Variants in MYOT observed in about 807,000 individuals in gnomAD.
MYOT encodes 57 kDa cytoskeletal protein.
A neutral mutation model predicts 58.0 loss-of-function variants in MYOT; 36 were observed. The observed-to-expected ratio is 0.62, with a 90% confidence interval of 0.48 to 0.82. The LOEUF is 0.82. MYOT is among the 40% of genes least tolerant of loss of function. The pLI is 0.00. For synonymous variants in MYOT, 218 were observed against 204.6 expected, an observed-to-expected ratio of 1.07 and a Z score of -0.56; for missense variants, 505 against 592.1, an observed-to-expected ratio of 0.85 and a Z score of 1.53.
At chr5:137,880,894 ATGT>A (rs1220890033) in intron 5 of MYOT, 29 bp downstream of exon 5, 1 of 1,424,166 alleles carries the variant, frequency 7.0e-7, no homozygotes, top group Non-Finnish European at 9.8e-7. Context: ...AAAGAAATGT[ATGT>A]TTTCCTATCT....
intron 9 of MYOT, 81 bp downstream of exon 9, chr5:137,887,078 T>C (rs942345955): frequency 1.3e-6 from 2 of 1,562,572 alleles, no homozygotes; most frequent in South Asian, 2.2e-5. Context: ...CAGCAGAGTA[T>C]AAAATTTGAG....
At chr5:137,883,165 A>T (rs1245826904) in intron 6 of MYOT, 3 of 534,546 alleles carry the variant, frequency 5.6e-6, no homozygotes, top group Non-Finnish European at 6.7e-6. Context: ...CATGTAAAAG[A>T]GTTATGGTTT....
intron 2 of MYOT, among the ~76,000 whole-genome samples, chr5:137,873,538 C>G (rs1344773073): frequency 6.6e-6 from 1 of 150,782 alleles, no homozygotes; most frequent in Non-Finnish European, 1.5e-5. Flanking sequence ...AAGAATGAAA[C>G]TCCGTCTCAA....
At chr5:137,881,794 T>G (rs1048196045) in intron 5 of MYOT, among the ~76,000 whole-genome samples, 179 bp from the exon 6 acceptor site, 2 of 151,998 alleles carry the variant, frequency 1.3e-5, no homozygotes, top group Non-Finnish European at 2.9e-5. Context: ...CCTCCCGGGT[T>G]CAAGCGATTC....
chr5:137,881,745 G>A (rs1410157930), intron 5 of MYOT, among the ~76,000 whole-genome samples: 2 of 151,960 alleles, frequency 1.3e-5, no homozygotes, highest in Non-Finnish European at 2.9e-5. Context: ...CATCCAGGCT[G>A]GAGTGCAGCG....
Position 137,881,970 on chromosome 5 carries a change from T to A in MYOT, c.684-3T>A. On this transcript the variant is annotated splice_region_variant and splice_polypyrimidine_tract_variant and intron_variant, in intron 5 of 9. Transcript: ENST00000239926. ...CATAGTTGTTACCAAAATATTCTTG[T>A]AGAAGTAGATCAACCTCAAGGGGAG... 1 of 1,613,662 alleles carries A rather than the reference T, an allele frequency of 6.2e-7. No homozygotes were observed. The highest frequency in any genetic ancestry group is 8.5e-7 in the Non-Finnish European group (1 of 1,179,544).
At chr5:137,882,241 G>A in intron 6 of MYOT, 136 bp downstream of exon 6, 1 of 1,005,154 alleles carries the variant, frequency 9.9e-7, no homozygotes, top group Non-Finnish European at 1.5e-6. Context: ...AAGTCAAACT[G>A]ATGTGGGTTT....
intron 1 of MYOT, among the ~76,000 whole-genome samples, chr5:137,868,851 T>G (rs189864712): frequency 8.1e-4 from 123 of 152,316 alleles, no homozygotes; most frequent in Non-Finnish European, 9.3e-4. Flanking sequence ...TTCAGGATGT[T>G]TTTCCCCAAC....
In MYOT at chr5:137,880,797, A is replaced by G. The variant is rs762666087; in HGVS notation, c.634-19A>G. ...CTAACAATTGCATGTAAACATTCTT[A>G]CTTTGTTTTAATTTCAAGCAACACA... On this transcript the variant is annotated intron_variant, in intron 4 of 9. Transcript: ENST00000239926. The G allele has an allele frequency of 1.2e-6, 2 of 1,600,216 alleles. No homozygotes were observed. Among genetic ancestry groups the G allele is most frequent in the Non-Finnish European group, 1.7e-6 (2 of 1,167,548 alleles).
chr5:137,882,419 A>G (rs567276376), intron 6 of MYOT, among the ~76,000 whole-genome samples: 1 of 152,244 alleles, frequency 6.6e-6, no homozygotes, highest in African/African-American at 2.4e-5. Context: ...AAGTGAAGCT[A>G]TCAGAACAAT....
chr5:137,887,524 T>C lies in MYOT; in HGVS notation c.*139T>C. 2 of 591,696 alleles carry C rather than the reference T, an allele frequency of 3.4e-6. No homozygotes were observed. Among genetic ancestry groups the C allele is most frequent in the Non-Finnish European group, 5.0e-6 (2 of 401,188 alleles). 36.7% of individuals were successfully genotyped at this position (591,696 alleles called of 1,614,324 possible). A position where few individuals can be genotyped will look rare whatever the true frequency, so the allele number is the denominator to read the frequency against. ...TATAGTTAATATATATTTATAATATTATTTATCCTTTGACTCTTGCACATT... is the reference window on the plus strand; with the variant it reads ...TATAGTTAATATATATTTATAATATCATTTATCCTTTGACTCTTGCACATT... On this transcript the variant is annotated 3_prime_UTR_variant, in exon 10 of 10. Coordinates refer to ENST00000239926, the MANE Select transcript of MYOT (RefSeq NM_006790.3).
intron 7 of MYOT, among the ~76,000 whole-genome samples, chr5:137,885,456 T>C (rs1028458696): frequency 2.0e-5 from 3 of 152,014 alleles, no homozygotes; most frequent in Admixed American, 2.0e-4. Context: ...TGCCTCCCTG[T>C]AGATGAGATG....
chr5:137,870,108 G>C (rs1238580970), intron 1 of MYOT, among the ~76,000 whole-genome samples: 2 of 141,540 alleles, frequency 1.4e-5, no homozygotes, highest in African/African-American at 5.3e-5. Context: ...AGGCAACATA[G>C]TGAAACCCTG....
chr5:137,870,656 TTAAC>T lies in MYOT; in HGVS notation c.8_11del (p.Asn3ThrfsTer55). 1.9e-6 allele frequency: 3 copies of T among 1,613,860 alleles called. No individual in the cohort carries two copies. Among genetic ancestry groups the T allele is most frequent in the Non-Finnish European group, 2.5e-6 (3 of 1,179,740 alleles). ...TCTTCCATATACCAACTAAGCATGTTTAACTACGAACGTCCAAAACACTTCATCC... is the reference window on the plus strand; with the variant it reads ...TCTTCCATATACCAACTAAGCATGTTTACGAACGTCCAAAACACTTCATCC... On this transcript the variant is annotated frameshift_variant, in exon 2 of 10. Coordinates refer to ENST00000239926, the MANE Select transcript of MYOT (RefSeq NM_006790.3). LOFTEE classifies it high-confidence loss of function.
intron 2 of MYOT, among the ~76,000 whole-genome samples, chr5:137,873,772 G>A (rs1234063473): frequency 2.0e-5 from 3 of 152,158 alleles, no homozygotes; most frequent in Non-Finnish European, 2.9e-5. Context: ...GAGGAAATGT[G>A]TATCATTAGC....
At chr5:137,885,428 T>C (rs1755565027) in intron 7 of MYOT, among the ~76,000 whole-genome samples, 1 of 152,140 alleles carries the variant, frequency 6.6e-6, no homozygotes, top group Admixed American at 6.5e-5. Flanking sequence ...TGTCTGATAC[T>C]CTTTCCATCA....
rs757233743 is a variant in MYOT at position 137,887,366 on chromosome 5, A to G, written c.1478A>G (p.Tyr493Cys). The change falls in exon 10 of 10, where the codon TAT becomes TGT. Residue 493 changes from tyrosine to cysteine, a missense_variant. By Grantham distance (194) the Tyr-to-Cys change is radical. Coordinates refer to ENST00000239926, the MANE Select transcript of MYOT (RefSeq NM_006790.3). ...FQRLAAQSGL[Y>C]ESEEL Reference sequence around the variant, plus strand: ...CGTTTGGCAGCTCAATCTGGACTCTATGAAAGTGAAGAACTTTAATAACTT... The same window carrying G: ...CGTTTGGCAGCTCAATCTGGACTCTGTGAAAGTGAAGAACTTTAATAACTT... 11 of 1,613,896 alleles carry G rather than the reference A, an allele frequency of 6.8e-6. No homozygotes were observed. The highest frequency in any genetic ancestry group is 9.3e-6 in the Non-Finnish European group (11 of 1,179,948).
intron 2 of MYOT, among the ~76,000 whole-genome samples, chr5:137,874,148 C>T (rs1755135388): frequency 6.6e-6 from 1 of 152,148 alleles, no homozygotes; most frequent in Admixed American, 6.5e-5. Flanking sequence ...GGCTAGTTTC[C>T]TCACATTAAA....
intron 7 of MYOT, among the ~76,000 whole-genome samples, chr5:137,884,486 T>G (rs1298222310): frequency 6.6e-6 from 1 of 152,240 alleles, no homozygotes; most frequent in Admixed American, 6.5e-5. Flanking sequence ...TGGCTACATT[T>G]ATGTCTCAAA....
Sources: gnomAD v4.1 joint callset for allele counts (sites outside exome capture counted in the v4.1 genomes callset) on GRCh38, gnomAD v4.1.1 for gene constraint, MANE v1.5 for transcripts, NCBI Gene and HGNC (gene_info 2026-07-23, HGNC 2026-07-21) for gene names.